The following DPYSL3 variants were observed in gnomAD, a reference collection of about 807,000 sequenced individuals.
DPYSL3 encodes the protein dihydropyrimidinase-related protein 3.
DPYSL3 carries 16 observed loss-of-function variants against 66.1 expected under a neutral mutation model. That is an observed-to-expected ratio of 0.24 (90% CI 0.16 to 0.37). The LOEUF is 0.37. DPYSL3 is among the 10% of genes least tolerant of loss of function. DPYSL3 has a pLI of 1.00. For missense variants in DPYSL3, 738 were observed against 916.2 expected, an observed-to-expected ratio of 0.81 and a Z score of 2.51; for synonymous variants, 338 against 345.1, an observed-to-expected ratio of 0.98 and a Z score of 0.23.
chr5:147,456,829 G>A (rs1013372025), intron 1 of DPYSL3, among the ~76,000 whole-genome samples: 1 of 151,886 alleles, frequency 6.6e-6, no homozygotes, highest in Non-Finnish European at 1.5e-5. Context: ...GACCTCATGT[G>A]ATCTGCTTGC....
rs117731508 is a variant in DPYSL3 at position 147,397,702 on chromosome 5, G to A, written c.1767C>T (p.Ser589=). Residue 589 remains serine (S), a synonymous_variant, in exon 12 of 14, where the codon TCC becomes TCT. Coordinates refer to ENST00000343218, the MANE Select transcript of DPYSL3 (RefSeq NM_001197294.2). ...AGRFIPCSPF[S]DYVYKRIKAR... is the part of the protein sequence containing the mutation. Reference sequence around the variant, plus strand: ...CTTTAATGCGCTTGTAGACATAGTCGGAGAACGGGCTGCAGGGTATGAAGC... The same window carrying A: ...CTTTAATGCGCTTGTAGACATAGTCAGAGAACGGGCTGCAGGGTATGAAGC... The A allele has an allele frequency of 2.8e-5, 46 of 1,614,082 alleles. No individual in the cohort carries two copies. In the East Asian group the frequency reaches 4.9e-4, roughly 17 times the overall value.
chr5:147,455,517 G>A (rs1393840183), intron 1 of DPYSL3, among the ~76,000 whole-genome samples: 1 of 152,186 alleles, frequency 6.6e-6, no homozygotes, highest in Non-Finnish European at 1.5e-5. Flanking sequence ...TTCTTAAAGC[G>A]TAAGTGCTGA....
intron 1 of DPYSL3, among the ~76,000 whole-genome samples, chr5:147,502,465 G>A (rs569934515): frequency 3.2e-4 from 49 of 151,958 alleles, no homozygotes; most frequent in South Asian, 1.2e-3. Context: ...AGAAGATGAT[G>A]AGGAAACGAT....
intron 1 of DPYSL3, among the ~76,000 whole-genome samples, chr5:147,498,432 A>G (rs1190482048): frequency 6.6e-6 from 1 of 152,156 alleles, no homozygotes; most frequent in Non-Finnish European, 1.5e-5. Context: ...ACAATTATTT[A>G]TATTCCTTTG....
chr5:147,435,113 AAGAG>A (rs952559105), intron 1 of DPYSL3, among the ~76,000 whole-genome samples: 9 of 150,498 alleles, frequency 6.0e-5, no homozygotes, highest in Admixed American at 5.3e-4. Flanking sequence ...AGGTGGGGGG[AAGAG>A]AGAGAGAGAG....
At chr5:147,464,712 T>G (rs904459717) in intron 1 of DPYSL3, among the ~76,000 whole-genome samples, 5 of 152,136 alleles carry the variant, frequency 3.3e-5, no homozygotes, top group Non-Finnish European at 7.3e-5. Context: ...CCCTTCCATG[T>G]CCTAACACCA....
chr5:147,470,327 A>G (rs573090904), intron 1 of DPYSL3, among the ~76,000 whole-genome samples: 1 of 152,134 alleles, frequency 6.6e-6, no homozygotes, highest in African/African-American at 2.4e-5. Flanking sequence ...AATCTAACAT[A>G]GATTCCGGAA....
intron 8 of DPYSL3, among the ~76,000 whole-genome samples, chr5:147,405,225 G>A (rs974449454): frequency 1.3e-5 from 2 of 152,204 alleles, no homozygotes; most frequent in African/African-American, 4.8e-5. Context: ...TTATTCACTT[G>A]TGTTTGTTTA....
At chr5:147,433,677 T>C (rs575279177) in intron 1 of DPYSL3, among the ~76,000 whole-genome samples, 3 of 152,302 alleles carry the variant, frequency 2.0e-5, no homozygotes, top group African/African-American at 7.2e-5. Flanking sequence ...AAAGTATAGA[T>C]AATAATGCTT....
chr5:147,493,472 C>T (rs1753447185), intron 1 of DPYSL3, among the ~76,000 whole-genome samples: 2 of 151,968 alleles, frequency 1.3e-5, no homozygotes, highest in South Asian at 4.2e-4. Flanking sequence ...ACTCAGGAGG[C>T]TGTGGTGGGA....
At chr5:147,493,190 A>T (rs1753441830) in intron 1 of DPYSL3, among the ~76,000 whole-genome samples, 1 of 152,230 alleles carries the variant, frequency 6.6e-6, no homozygotes, top group African/African-American at 2.4e-5. Flanking sequence ...GGATCAAAAT[A>T]CATGAGGCAA....
chr5:147,415,443 A>G (rs1561778951), intron 4 of DPYSL3, among the ~76,000 whole-genome samples: 1 of 152,150 alleles, frequency 6.6e-6, no homozygotes, highest in Non-Finnish European at 1.5e-5. Context: ...GGATACACCT[A>G]CTGCTTACTA....
chr5:147,426,688 T>C (rs1337024329), intron 1 of DPYSL3, among the ~76,000 whole-genome samples: 1 of 152,132 alleles, frequency 6.6e-6, no homozygotes, highest in Non-Finnish European at 1.5e-5. Context: ...ATAAAGTTTA[T>C]GGAGGACGGA....
chr5:147,441,192 AG>A (rs1276764369), intron 1 of DPYSL3, among the ~76,000 whole-genome samples: 1 of 152,146 alleles, frequency 6.6e-6, no homozygotes, highest in East Asian at 1.9e-4. Context: ...TGACTCTGCT[AG>A]GGCTGCCATA....
At chr5:147,428,223 G>C (rs1319690925) in intron 1 of DPYSL3, among the ~76,000 whole-genome samples, 1 of 152,172 alleles carries the variant, frequency 6.6e-6, no homozygotes, top group African/African-American at 2.4e-5. Flanking sequence ...TTTCAGAGAA[G>C]AGATTAAGAA....
rs3805540 is a variant in DPYSL3, at chr5:147,411,366, G to A, written c.963+1242C>T. Among the ~76,000 whole-genome samples the A allele has an allele frequency of 0.014, 2,099 of 152,236 alleles. 130 individuals carry two copies. In the East Asian group the frequency reaches 0.19, roughly 14 times the overall value. ...ACAGCTGGAGCCCTGCATGGCTGGG[G>A]TACTGCCTGCCCACAAGCCTGCAGC... On this transcript the variant is annotated intron_variant, in intron 6 of 13. Coordinates refer to ENST00000343218, the MANE Select transcript of DPYSL3 (RefSeq NM_001197294.2).
At chr5:147,483,837 A>G (rs1336274793) in intron 1 of DPYSL3, among the ~76,000 whole-genome samples, 2 of 152,218 alleles carry the variant, frequency 1.3e-5, no homozygotes, top group Non-Finnish European at 2.9e-5. Flanking sequence ...CTGTAAAATG[A>G]GAATAACTCG....
chr5:147,496,090 T>C (rs1753503683), intron 1 of DPYSL3, among the ~76,000 whole-genome samples: 1 of 152,008 alleles, frequency 6.6e-6, no homozygotes. Context: ...TCAGAAATAA[T>C]GCCACATATC....
chr5:147,472,356 G>A (rs934689436), intron 1 of DPYSL3, among the ~76,000 whole-genome samples: 2 of 152,200 alleles, frequency 1.3e-5, no homozygotes, highest in Non-Finnish European at 2.9e-5. Context: ...AGGTGTTATA[G>A]TGAAAGAAGA....
Sources: gnomAD v4.1 joint callset for allele counts (sites outside exome capture counted in the v4.1 genomes callset) on GRCh38, gnomAD v4.1.1 for gene constraint, MANE v1.5 for transcripts, NCBI Gene and HGNC (gene_info 2026-07-23, HGNC 2026-07-21) for gene names.